The following ITPR3 variants were observed in gnomAD, a reference collection of about 807,000 sequenced individuals.
The protein encoded by ITPR3 is inositol 1,4,5-trisphosphate-gated calcium channel ITPR3.
A neutral mutation model predicts 293.2 loss-of-function variants in ITPR3; 173 were observed. That is an observed-to-expected ratio of 0.59 (90% CI 0.52 to 0.67). The LOEUF (loss-of-function observed/expected upper bound fraction) is 0.67. Among genes scored for constraint, ITPR3 ranks in the 30% least tolerant of loss-of-function variants. The probability of loss-of-function intolerance (pLI) is 0.00; values close to 1 mark genes in which losing one functional copy is unlikely to be tolerated. For synonymous variants in ITPR3, 1,295 were observed against 1,444.4 expected (o/e 0.90, Z 2.35); for missense variants, 2,796 against 3,592.1 (o/e 0.78, Z 5.66).
chr6:33,683,284 G>A lies in ITPR3; in HGVS notation c.4675G>A (p.Ala1559Thr). ...SSMLSSGASC[A>T]AAAQRNASSY... ...GATGCTCAGCAGTGGAGCCAGCTGT[G>A]CAGCTGCCGCCCAGCGGAACGCCTC... The change falls in exon 35 of 58, where the codon GCA becomes ACA. Residue 1559 changes from alanine to threonine, a missense_variant. By Grantham distance (58) the Ala-to-Thr change is moderately conservative. This residue lies in a region of ITPR3 where 704 missense variants were observed against 797.5 expected (regional missense o/e 0.88). Coordinates refer to ENST00000605930, the MANE Select transcript of ITPR3 (RefSeq NM_002224.4). The surrounding 1 kb of genome is among the most constrained non-coding windows in gnomAD (Gnocchi z 4.5). 1 of 1,575,906 alleles carries A rather than the reference G, an allele frequency of 6.3e-7. No homozygotes were observed. The highest frequency in any genetic ancestry group is 8.6e-7 in the Non-Finnish European group (1 of 1,161,116).
In ITPR3 at chr6:33,683,027, C is replaced by T. The variant is rs956144277; in HGVS notation, c.4598-180C>T. On this transcript the variant is annotated intron_variant, in intron 34 of 57. Transcript: ENST00000605930. The surrounding 1 kb of genome is among the most constrained non-coding windows in gnomAD (Gnocchi z 4.5). ...CAAAGAGGCAGAAACTCCTTTTACC[C>T]AACAAGGGGAAGAAAGCCTCTCAGT... Among the ~76,000 whole-genome samples, 2 of 150,390 alleles carry T rather than the reference C, an allele frequency of 1.3e-5. No homozygotes were observed. The highest frequency in any genetic ancestry group is 1.5e-5 in the Non-Finnish European group (1 of 67,734).
At chr6:33,635,588 G>T (rs982274434) in intron 1 of ITPR3, among the ~76,000 whole-genome samples, 1 of 152,200 alleles carries the variant, frequency 6.6e-6, no homozygotes, top group Non-Finnish European at 1.5e-5. Flanking sequence ...CAACCAGGTG[G>T]TGATAAAGGC....
chr6:33,671,270 C>T lies in ITPR3; in HGVS notation c.2692C>T (p.Pro898Ser). ...LLGIIDCVQG[P>S]PAMLQAYEDP... ...GGGCATCATCGACTGTGTGCAGGGG[C>T]CCCCGGCCATGCTGCAGGCCTATGA... The change falls in exon 21 of 58, where the codon CCC becomes TCC. Residue 898 changes from proline (P) to serine (S), a missense_variant. By Grantham distance (74) the Pro-to-Ser change is moderately conservative. Coordinates refer to ENST00000605930, the MANE Select transcript of ITPR3 (RefSeq NM_002224.4). 1 of 1,613,272 alleles carries T rather than the reference C, an allele frequency of 6.2e-7. No individual in the cohort carries two copies. The highest frequency in any genetic ancestry group is 8.5e-7 in the Non-Finnish European group (1 of 1,179,834).
At position 33,638,261 on chromosome 6, in the gene ITPR3, C is replaced by T. The variant is rs141526560; in HGVS notation, c.90-2223C>T. On this transcript the variant is annotated intron_variant, in intron 1 of 57. Coordinates refer to ENST00000605930, the MANE Select transcript of ITPR3 (RefSeq NM_002224.4). The surrounding 1 kb of genome is among the most constrained non-coding windows in gnomAD (Gnocchi z 4.3). Reference sequence around the variant, plus strand: ...CTTAATGATCCACCCGCCTCAGCCTCCCAAAGTGCAGGGATTACAGGCATG... The same window carrying T: ...CTTAATGATCCACCCGCCTCAGCCTTCCAAAGTGCAGGGATTACAGGCATG... 1.9e-4 allele frequency among the ~76,000 whole-genome samples: 29 copies of T among 152,340 alleles called. No homozygotes were observed. Among genetic ancestry groups the T allele is most frequent in the African/African-American group, 7.0e-4 (29 of 41,570 alleles).
Position 33,670,777 on chromosome 6 carries a change from C to A in ITPR3, c.2548C>A (p.Pro850Thr). ...CAACAATGTAGTCAGCGAGGCCGTG[C>A]CCTTTGCCAACGAGGAGAAGAACAA... The part of the protein sequence containing the change: ...YLNNVVSEAV[P>T]FANEEKNKLT... The change falls in exon 20 of 58, where the codon CCC (proline) becomes ACC (threonine). Residue 850 changes from proline to threonine, a missense_variant. Transcript: ENST00000605930. This position sits in a 1 kb window ranked among gnomAD's most constrained non-coding sequence, Gnocchi z 6.7. 4.3e-6 allele frequency: 7 copies of A among 1,614,084 alleles called. No individual in the cohort carries two copies. Among genetic ancestry groups the A allele is most frequent in the Non-Finnish European group, 5.1e-6 (6 of 1,180,030 alleles).
chr6:33,641,214 C>T (rs1032166052), intron 2 of ITPR3, among the ~76,000 whole-genome samples: 12 of 152,216 alleles, frequency 7.9e-5, no homozygotes, highest in African/African-American at 2.9e-4. Context: ...GTCATTATGC[C>T]AAGCCAGGGT....
rs555225013 is a variant in ITPR3 at position 33,650,918 on chromosome 6, C to T, written c.161-4848C>T. Among the ~76,000 whole-genome samples the T allele has an allele frequency of 2.6e-4, 40 of 151,960 alleles. No individual in the cohort carries two copies. The South Asian group carries it at 2.7e-3, about 10-fold the overall frequency. On this transcript the variant is annotated intron_variant, in intron 2 of 57. Coordinates refer to ENST00000605930, the MANE Select transcript of ITPR3 (RefSeq NM_002224.4). The stretch of plus-strand genomic sequence containing the variant: ...TATTTTGTGGGCTTGTTCTCCCTCG[C>T]GGTGTCTGGTTCCCAAGGATCCCTG...
In ITPR3 at chr6:33,664,808, C is replaced by T; in HGVS notation, c.1149-62C>T. ...TGGCAGTGTTGGGGAGGTAGGCCGG[C>T]AGGCAGCATGACGTGCTCTGTGGTG... On this transcript the variant is annotated intron_variant, in intron 11 of 57. Transcript: ENST00000605930. The surrounding 1 kb of genome is among the most constrained non-coding windows in gnomAD (Gnocchi z 4.4). The T allele has an allele frequency of 6.9e-7, 1 of 1,441,286 alleles. No individual in the cohort carries two copies. Among genetic ancestry groups the T allele is most frequent in the Non-Finnish European group, 9.7e-7 (1 of 1,034,016 alleles). 89.3% of individuals were successfully genotyped at this position (1,441,286 alleles called of 1,614,324 possible). A position where few individuals can be genotyped will look rare whatever the true frequency, so the allele number is the denominator to read the frequency against.
Position 33,624,354 on chromosome 6 carries a change from C to G in ITPR3, c.89+2663C>G, listed in dbSNP as rs1763507317. ...GTGATTAAGGGAGCTGTGCTTCCTG[C>G]TTCCTTGGAAGTTAAGAGTCAAAGA... On this transcript the variant is annotated intron_variant, in intron 1 of 57. Transcript: ENST00000605930. The surrounding 1 kb of genome is among the most constrained non-coding windows in gnomAD (Gnocchi z 4.7). Among the ~76,000 whole-genome samples, 1 of 152,184 alleles carries G rather than the reference C, an allele frequency of 6.6e-6. No homozygotes were observed. The highest frequency in any genetic ancestry group is 1.5e-5 in the Non-Finnish European group (1 of 68,026).
chr6:33,695,168 C>T (rs1175025345), intron 57 of ITPR3, 83 bp downstream of exon 57: 3 of 1,469,304 alleles, frequency 2.0e-6, no homozygotes, highest in Admixed American at 3.8e-5. Flanking sequence ...CCTGACCCAC[C>T]CTCTTCCCCA....
intron 23 of ITPR3, 125 bp from the exon 24 acceptor site, chr6:33,674,083 A>G (rs1582145687): frequency 2.5e-6 from 3 of 1,203,624 alleles, no homozygotes; most frequent in Non-Finnish European, 3.6e-6. Flanking sequence ...CTTCCCAGAA[A>G]GGGGCAGGCA....
At chr6:33,674,081 A>G in intron 23 of ITPR3, 127 bp from the exon 24 acceptor site, 1 of 1,199,272 alleles carries the variant, frequency 8.3e-7, no homozygotes, top group Non-Finnish European at 1.2e-6. Flanking sequence ...TCCTTCCCAG[A>G]AAGGGGCAGG....
chr6:33,656,956 A>G (rs999943), intron 3 of ITPR3, among the ~76,000 whole-genome samples: 43,067 of 152,100 alleles, frequency 0.28, 6,278 homozygotes, highest in Admixed American at 0.31. Context: ...CTCTTCCTGG[A>G]ATGGGGGCTG....
At position 33,686,477 on chromosome 6, in the gene ITPR3, C is replaced by T. The variant is rs180718678; in HGVS notation, c.5937C>T (p.Ser1979=). 2.8e-4 allele frequency: 447 copies of T among 1,614,194 alleles called. 5 individuals are homozygous for T. In the East Asian group the frequency reaches 9.3e-3, roughly 34 times the overall value. Residue 1979 remains serine, a synonymous_variant, in exon 43 of 58, where the codon AGC becomes AGT. Transcript: ENST00000605930. ...IITALILNDI[S]PLCKYRMDLV... is the part of the protein sequence containing the mutation. ...CCGCACTGATCCTCAATGACATCAG[C>T]CCCCTGTGCAAGTACCGCATGGATC...
At chr6:33,668,924 C>T (rs759648998) in intron 17 of ITPR3, 50 bp from the exon 18 acceptor site, 32 of 1,563,618 alleles carry the variant, frequency 2.0e-5, no homozygotes, top group Middle Eastern at 3.4e-4. Context: ...GGGGTCCAGG[C>T]GTAGTGCCCT....
In ITPR3 at chr6:33,688,751, T is replaced by C. The variant is rs777679277; in HGVS notation, c.6664T>C (p.Phe2222Leu). 4.3e-6 allele frequency: 7 copies of C among 1,614,208 alleles called. No homozygotes were observed. The South Asian group carries it at 4.4e-5, about 10-fold the overall frequency. ...AVFINIIIAF[F>L]YPYMEGASTG... ...GTTTATCAACATCATCATTGCCTTC[T>C]TCTACCCTTACATGGAGGGCGCGTC... The change falls in exon 49 of 58, where the codon TTC becomes CTC. Residue 2222 changes from phenylalanine (F) to leucine (L), a missense_variant. By Grantham distance (22) the Phe-to-Leu change is conservative. Transcript: ENST00000605930.
intron 1 of ITPR3, among the ~76,000 whole-genome samples, chr6:33,636,635 G>A (rs1423490325): frequency 6.6e-6 from 1 of 152,024 alleles, no homozygotes; most frequent in African/African-American, 2.4e-5. Flanking sequence ...GACCTCTGGA[G>A]GAGCATGTTC....
Position 33,655,736 on chromosome 6 carries a change from T to C in ITPR3, c.161-30T>C, listed in dbSNP as rs1582123058. On this transcript the variant is annotated intron_variant, in intron 2 of 57. Transcript: ENST00000605930. This position sits in a 1 kb window ranked among gnomAD's most constrained non-coding sequence, Gnocchi z 4.9. ...GGGCCCTGAGCCCCAGATGAATCAT[T>C]CCCCTCACCCCCAACCTGCCCCACC... 1 of 1,613,202 alleles carries C rather than the reference T, an allele frequency of 6.2e-7. No individual in the cohort carries two copies. The highest frequency in any genetic ancestry group is 8.5e-7 in the Non-Finnish European group (1 of 1,179,594).
Position 33,667,739 on chromosome 6 carries a change from G to A in ITPR3, c.1714-53G>A. ...GGGCAGCGTTCCAGAGCAGAGCTGGGCCCTTGGCCCACCTGTGACTCTCTG... is the reference window on the plus strand; with the variant it reads ...GGGCAGCGTTCCAGAGCAGAGCTGGACCCTTGGCCCACCTGTGACTCTCTG... On this transcript the variant is annotated intron_variant, in intron 15 of 57. Coordinates refer to ENST00000605930, the MANE Select transcript of ITPR3 (RefSeq NM_002224.4). The surrounding 1 kb of genome is among the most constrained non-coding windows in gnomAD (Gnocchi z 4.4). 1 of 1,601,742 alleles carries A rather than the reference G, an allele frequency of 6.2e-7. No individual in the cohort carries two copies. Among genetic ancestry groups the A allele is most frequent in the Non-Finnish European group, 8.5e-7 (1 of 1,171,864 alleles).
Sources: gnomAD v4.1 joint callset for allele counts (sites outside exome capture counted in the v4.1 genomes callset) on GRCh38, gnomAD v4.1.1 for gene constraint, gnomAD v4.1.1 regional missense constraint, Gnocchi (gnomAD v3.1) non-coding constraint, MANE v1.5 for transcripts, NCBI Gene and HGNC (gene_info 2026-07-23, HGNC 2026-07-21) for gene names.